The following INPP4B variants were observed in gnomAD, a reference collection of about 807,000 sequenced individuals.
The protein encoded by INPP4B is inositol polyphosphate-4-phosphatase type II B, also known as inositol polyphosphate 4-phosphatase type II.
In INPP4B, 55 loss-of-function variants were observed where a neutral mutation model predicts 122.5. The ratio of observed to expected loss-of-function variants is 0.45; its 90% CI spans 0.36 to 0.56. The LOEUF is 0.56. INPP4B is among the 20% of genes least tolerant of loss of function. The pLI is 0.00. For missense variants in INPP4B, 1,000 were observed against 1,097.7 expected (o/e 0.91, Z 1.26); for synonymous variants, 403 against 388.7 (o/e 1.04, Z -0.43).
intron 24 of INPP4B, among the ~76,000 whole-genome samples, chr4:142,082,506 A>G (rs1014852876): frequency 3.3e-5 from 5 of 152,200 alleles, no homozygotes; most frequent in Non-Finnish European, 5.9e-5. Context: ...GACAATGCTA[A>G]ACTAATCCCA....
intron 15 of INPP4B, among the ~76,000 whole-genome samples, chr4:142,187,145 C>T (rs542431309): frequency 7.8e-4 from 118 of 152,120 alleles, no homozygotes; most frequent in African/African-American, 2.7e-3. Context: ...ACTTTAATTA[C>T]CATCTCCTTC....
At chr4:142,554,957 A>G (rs1292527479) in intron 2 of INPP4B, among the ~76,000 whole-genome samples, 1 of 152,146 alleles carries the variant, frequency 6.6e-6, no homozygotes, top group Non-Finnish European at 1.5e-5. Context: ...ACAAATTCCT[A>G]TATACTCTCT....
intron 25 of INPP4B, among the ~76,000 whole-genome samples, chr4:142,033,938 AT>A (rs1742123845): frequency 6.6e-6 from 1 of 151,998 alleles, no homozygotes; most frequent in African/African-American, 2.4e-5. Context: ...TAGTGCTGGG[AT>A]TACAGGCATG....
chr4:142,673,782 T>G (rs1320126746), intron 2 of INPP4B, among the ~76,000 whole-genome samples: 1 of 152,128 alleles, frequency 6.6e-6, no homozygotes, highest in Non-Finnish European at 1.5e-5. Context: ...CAGACTAATT[T>G]TCCTCTTTTA....
chr4:142,169,096 A>G (rs560693359), intron 16 of INPP4B, among the ~76,000 whole-genome samples: 1 of 151,758 alleles, frequency 6.6e-6, no homozygotes, highest in South Asian at 2.1e-4. Flanking sequence ...TAAATTTTAT[A>G]TATAGTCTCA....
intron 1 of INPP4B, among the ~76,000 whole-genome samples, chr4:142,829,403 T>G (rs1208339022): frequency 2.0e-5 from 3 of 152,042 alleles, no homozygotes; most frequent in Non-Finnish European, 4.4e-5. Flanking sequence ...CCCTGTGAGG[T>G]CCCCAGGACT....
intron 17 of INPP4B, among the ~76,000 whole-genome samples, chr4:142,150,415 T>A (rs2152862370): frequency 6.6e-6 from 1 of 152,332 alleles, no homozygotes; most frequent in Admixed American, 6.5e-5. Context: ...AAATAGCAGC[T>A]ATTATCTTGC....
chr4:142,448,678 T>C (rs1019945289), intron 3 of INPP4B, among the ~76,000 whole-genome samples: 3 of 152,318 alleles, frequency 2.0e-5, no homozygotes, highest in Admixed American at 1.3e-4. Flanking sequence ...TTCCTCTCAC[T>C]GGGAACAAGG....
chr4:142,711,548 T>C (rs1011825776), intron 2 of INPP4B, among the ~76,000 whole-genome samples: 1 of 150,850 alleles, frequency 6.6e-6, no homozygotes, highest in South Asian at 2.1e-4. Flanking sequence ...AGAGTACACA[T>C]GGCTATGTGT....
At chr4:142,178,833 T>TAAA (rs3049049) in intron 15 of INPP4B, among the ~76,000 whole-genome samples, 125 of 140,526 alleles carry the variant, frequency 8.9e-4, no homozygotes, top group Middle Eastern at 3.6e-3. Flanking sequence ...ACCCTACTTG[T>TAAA]AAAAAAAAAA....
At chr4:142,792,212 C>A (rs1261840727) in intron 1 of INPP4B, among the ~76,000 whole-genome samples, 3 of 151,862 alleles carry the variant, frequency 2.0e-5, no homozygotes, top group Non-Finnish European at 4.4e-5. Context: ...ATGATGGTGC[C>A]TCCAGCCTGG....
intron 2 of INPP4B, among the ~76,000 whole-genome samples, chr4:142,482,477 C>T (rs982403429): frequency 3.3e-5 from 5 of 152,058 alleles, no homozygotes; most frequent in Non-Finnish European, 5.9e-5. Flanking sequence ...CAGTTGCTTC[C>T]AAAACATGAA....
Position 142,569,578 on chromosome 4 carries a change from C to T in INPP4B, c.-190-106852G>A, listed in dbSNP as rs112782843. Among the ~76,000 whole-genome samples, 725 of 152,228 alleles carry T rather than the reference C, an allele frequency of 4.8e-3. 8 individuals are homozygous for T. Among genetic ancestry groups the T allele is most frequent in the African/African-American group, 0.016 (683 of 41,554 alleles). On this transcript the variant is annotated intron_variant, in intron 2 of 25. Coordinates refer to ENST00000262992, the MANE Select transcript of INPP4B (RefSeq NM_001101669.3). ...GGCAGTCTCTAACGGGATCTCTACC[C>T]TTGACACCGTGTATGCTGGTGATTA...
chr4:142,240,131 T>C (rs1858625209), intron 11 of INPP4B, among the ~76,000 whole-genome samples: 1 of 151,280 alleles, frequency 6.6e-6, no homozygotes, highest in Admixed American at 6.6e-5. Flanking sequence ...CTTAATAGTG[T>C]GATCTCAGTG....
intron 25 of INPP4B, among the ~76,000 whole-genome samples, chr4:142,040,043 G>T (rs1036949913): frequency 1.3e-5 from 2 of 151,408 alleles, no homozygotes; most frequent in South Asian, 2.1e-4. Context: ...GGTTGGGGGG[G>T]TAATACAGAA....
At chr4:142,803,918 G>A (rs1000553717) in intron 1 of INPP4B, among the ~76,000 whole-genome samples, 8 of 151,932 alleles carry the variant, frequency 5.3e-5, no homozygotes, top group Non-Finnish European at 8.8e-5. Context: ...AATTAGCTGG[G>A]CATGGCGGCA....
At chr4:142,758,473 A>T (rs1331634097) in intron 1 of INPP4B, among the ~76,000 whole-genome samples, 1 of 152,130 alleles carries the variant, frequency 6.6e-6, no homozygotes, top group East Asian at 1.9e-4. Flanking sequence ...CATAATTGTA[A>T]GTTCCTCCAG....
intron 3 of INPP4B, among the ~76,000 whole-genome samples, chr4:142,434,379 G>A (rs993730571): frequency 6.6e-6 from 1 of 152,148 alleles, no homozygotes; most frequent in Non-Finnish European, 1.5e-5. Context: ...CTGGTGGATG[G>A]CAAGTGGATG....
intron 8 of INPP4B, among the ~76,000 whole-genome samples, chr4:142,311,068 C>T (rs1019617485): frequency 2.0e-5 from 3 of 152,080 alleles, no homozygotes; most frequent in Admixed American, 1.3e-4. Context: ...AATTAGAGTA[C>T]TTGAAGAGTA....
Sources: gnomAD v4.1 joint callset for allele counts (sites outside exome capture counted in the v4.1 genomes callset) on GRCh38, gnomAD v4.1.1 for gene constraint, MANE v1.5 for transcripts, NCBI Gene and HGNC (gene_info 2026-07-23, HGNC 2026-07-21) for gene names.